Variants in DOCK1 observed in about 807,000 individuals in gnomAD.
DOCK1 encodes the protein dedicator of cytokinesis protein 1.
A neutral mutation model predicts 262.7 loss-of-function variants in DOCK1; 138 were observed. The observed-to-expected ratio is 0.53, with a 90% CI of 0.46 to 0.61. The LOEUF is 0.61. Ranked by LOEUF, DOCK1 falls within the 20% of genes least tolerant of loss-of-function variation. The probability of loss-of-function intolerance (pLI) is 0.00; values close to 1 mark genes in which losing one functional copy is unlikely to be tolerated. For missense variants in DOCK1, 1,908 were observed against 2,370.7 expected (o/e 0.80, Z 4.05); for synonymous variants, 866 against 867.4 (o/e 1.00, Z 0.03).
intron 29 of DOCK1, among the ~76,000 whole-genome samples, chr10:127,308,034 G>T (rs762052810): frequency 6.6e-6 from 1 of 152,236 alleles, no homozygotes; most frequent in Non-Finnish European, 1.5e-5. Flanking sequence ...GAGCTGTCAG[G>T]CTTCTTTCTG....
chr10:127,130,231 A>T (rs2050240541), intron 27 of DOCK1, among the ~76,000 whole-genome samples: 1 of 151,516 alleles, frequency 6.6e-6, no homozygotes, highest in African/African-American at 2.4e-5. Context: ...TTACAGGTGC[A>T]CATCACCACA....
At chr10:127,313,457 G>A (rs1435322078) in intron 29 of DOCK1, among the ~76,000 whole-genome samples, 1 of 152,194 alleles carries the variant, frequency 6.6e-6, no homozygotes, top group Non-Finnish European at 1.5e-5. Flanking sequence ...CGAGAAAATA[G>A]CTAATGGGAT....
intron 27 of DOCK1, among the ~76,000 whole-genome samples, chr10:127,152,131 C>T (rs982037612): frequency 3.3e-5 from 5 of 152,118 alleles, no homozygotes; most frequent in Non-Finnish European, 5.9e-5. Flanking sequence ...GCGTTAAAGA[C>T]GGTATGAGCT....
chr10:127,056,789 TG>T lies in DOCK1; in HGVS notation c.2336+3975del, dbSNP rs1230795306. 5.3e-5 allele frequency among the ~76,000 whole-genome samples: 8 copies of T among 152,304 alleles called. No individual in the cohort carries two copies. The South Asian group carries it at 1.7e-3, about 32-fold the overall frequency. On this transcript the variant is annotated intron_variant, in intron 22 of 51. Transcript: ENST00000623213. ...GGGGAGAGAAGGACATAACGTTCTTTGAGATGTGGAGCACCTAGCCGCATTG... is the reference window on the plus strand; with the variant it reads ...GGGGAGAGAAGGACATAACGTTCTTTAGATGTGGAGCACCTAGCCGCATTG...
intron 22 of DOCK1, among the ~76,000 whole-genome samples, chr10:127,057,995 T>C (rs571556961): frequency 6.6e-6 from 1 of 152,332 alleles, no homozygotes; most frequent in East Asian, 1.9e-4. Context: ...TTTCTCAGTT[T>C]TTTATCCACT....
Position 127,418,296 on chromosome 10 carries a change from T to C in DOCK1, c.4516-69T>C, listed in dbSNP as rs1204965569. ...GGAAGCCTGCCCCAGAGCACGTGGC[T>C]CCTCTGGTGAGACCCTGGGAGTGGA... On this transcript the variant is annotated intron_variant, in intron 44 of 51. Coordinates refer to ENST00000623213, the MANE Select transcript of DOCK1 (RefSeq NM_001290223.2). 6 of 1,450,088 alleles carry C rather than the reference T, an allele frequency of 4.1e-6. No homozygotes were observed. In the African/African-American group the frequency reaches 8.5e-5, roughly 21 times the overall value. 89.8% of individuals were successfully genotyped at this position (1,450,088 alleles called of 1,614,324 possible).
At chr10:127,370,090 G>C (rs999572498) in intron 33 of DOCK1, among the ~76,000 whole-genome samples, 1 of 152,112 alleles carries the variant, frequency 6.6e-6, no homozygotes, top group African/African-American at 2.4e-5. Flanking sequence ...AGGGGGTAAG[G>C]TGTGGTTGCG....
At chr10:127,273,346 G>C (rs545245701) in intron 29 of DOCK1, among the ~76,000 whole-genome samples, 1 of 152,210 alleles carries the variant, frequency 6.6e-6, no homozygotes, top group African/African-American at 2.4e-5. Context: ...CTTAGCTAAG[G>C]AAGTCTAGGC....
intron 46 of DOCK1, 52 bp from the exon 47 acceptor site, chr10:127,425,822 G>C (rs755611363): frequency 2.5e-6 from 4 of 1,610,076 alleles, no homozygotes; most frequent in Non-Finnish European, 2.5e-6. Flanking sequence ...TGCATTGCTC[G>C]TCCTAGACCA....
At chr10:127,174,172 T>C (rs1292390685) in intron 27 of DOCK1, among the ~76,000 whole-genome samples, 1 of 152,252 alleles carries the variant, frequency 6.6e-6, no homozygotes, top group Admixed American at 6.5e-5. Flanking sequence ...TCAGGCTGGC[T>C]TCTAGCTTGC....
Position 127,042,626 on chromosome 10 carries a change from T to A in DOCK1, c.2012T>A (p.Phe671Tyr), listed in dbSNP as rs1466192762. ...ACCCGACCTTCTGTGTCTATGCAGT[T>A]TCTTCAGGACACGTTGGATGCCCTC... ...MKVDGGEVVK[F>Y]LQDTLDALFN... is the part of the protein sequence containing the mutation. The change falls in exon 20 of 52, where the codon TTT (phenylalanine) becomes TAT (tyrosine). Residue 671 changes from phenylalanine to tyrosine, a missense_variant and splice_region_variant. Around this residue, in one of 9 missense-constraint regions of DOCK1, gnomAD observed 294 missense variants for 439.9 expected, o/e 0.67. Coordinates refer to ENST00000623213, the MANE Select transcript of DOCK1 (RefSeq NM_001290223.2). The A allele has an allele frequency of 6.2e-7, 1 of 1,614,080 alleles. No individual in the cohort carries two copies. The highest frequency in any genetic ancestry group is 8.5e-7 in the Non-Finnish European group (1 of 1,179,964).
chr10:127,106,282 T>A lies in DOCK1; in HGVS notation c.2497T>A (p.Phe833Ile). The A allele has an allele frequency of 6.3e-7, 1 of 1,597,772 alleles. No individual in the cohort carries two copies. Among genetic ancestry groups the A allele is most frequent in the Non-Finnish European group, 8.5e-7 (1 of 1,171,122 alleles). The part of the protein sequence containing the change: ...PTIVNDVKLV[F>I]DPKELSKMFT... The stretch of plus-strand genomic sequence containing the variant: ...GATCGTCAACGATGTGAAATTGGTG[T>A]TTGATCCCAAAGAGCTCAGGTAAGT... The change falls in exon 24 of 52, where the codon TTT (phenylalanine) becomes ATT (isoleucine). Residue 833 changes from phenylalanine to isoleucine, a missense_variant. By Grantham distance (21) the Phe-to-Ile change is conservative. This residue lies in a region of DOCK1 where 518 missense variants were observed against 575.1 expected (regional missense o/e 0.90). Coordinates refer to ENST00000623213, the MANE Select transcript of DOCK1 (RefSeq NM_001290223.2).
At chr10:127,048,460 G>A (rs2135702499) in intron 21 of DOCK1, among the ~76,000 whole-genome samples, 1 of 151,582 alleles carries the variant, frequency 6.6e-6, no homozygotes, top group Non-Finnish European at 1.5e-5. Context: ...TCCTGCCTCT[G>A]TTTATCCCTT....
chr10:127,193,309 C>T (rs2134127888), intron 27 of DOCK1, among the ~76,000 whole-genome samples: 1 of 152,194 alleles, frequency 6.6e-6, no homozygotes, highest in Middle Eastern at 3.4e-3. Context: ...CGGTGGTTTG[C>T]CTCAAGTATG....
intron 1 of DOCK1, among the ~76,000 whole-genome samples, chr10:126,927,414 C>T (rs1265498272): frequency 7.9e-5 from 12 of 152,034 alleles, no homozygotes; most frequent in Admixed American, 5.9e-4. Flanking sequence ...CCTTTCTTTC[C>T]AAAGAGGATG....
chr10:126,960,347 G>A (rs1288542227), intron 1 of DOCK1, among the ~76,000 whole-genome samples: 1 of 151,802 alleles, frequency 6.6e-6, no homozygotes, highest in Non-Finnish European at 1.5e-5. Context: ...GCTAGAGGAG[G>A]GGTCCTCAGT....
At chr10:127,423,390 C>T (rs1399820565) in intron 46 of DOCK1, among the ~76,000 whole-genome samples, 2 of 152,186 alleles carry the variant, frequency 1.3e-5, no homozygotes, top group South Asian at 4.1e-4. Flanking sequence ...AGCTCCTCCT[C>T]AGCCCTGCTT....
chr10:127,128,296 T>A lies in DOCK1; in HGVS notation c.2847+532T>A, dbSNP rs544824879. ...CCTCTGCACCCCCTTACCTTAAGTC[T>A]GTTTCCTTCAGCAAAAAATGCATGA... On this transcript the variant is annotated intron_variant, in intron 27 of 51. Transcript: ENST00000623213. 4.6e-5 allele frequency among the ~76,000 whole-genome samples: 7 copies of A among 151,992 alleles called. No individual in the cohort carries two copies. In the South Asian group the frequency reaches 1.5e-3, roughly 32 times the overall value.
chr10:127,183,558 G>A (rs547551549), intron 27 of DOCK1, among the ~76,000 whole-genome samples: 3 of 152,240 alleles, frequency 2.0e-5, no homozygotes, highest in East Asian at 3.9e-4. Context: ...ACCTGCACTT[G>A]GGGTCCATGT....
Sources: gnomAD v4.1 joint callset for allele counts (sites outside exome capture counted in the v4.1 genomes callset) on GRCh38, gnomAD v4.1.1 for gene constraint, gnomAD v4.1.1 regional missense constraint, MANE v1.5 for transcripts, NCBI Gene and HGNC (gene_info 2026-07-23, HGNC 2026-07-21) for gene names.